Variants in UPP2 observed in about 807,000 individuals in gnomAD.
UPP2 encodes the protein UPase 2.
In UPP2, 23 loss-of-function variants were observed where a neutral mutation model predicts 26.7. The observed-to-expected ratio is 0.86, with a 90% CI of 0.62 to 1.22. UPP2 has a LOEUF of 1.22. UPP2 is among the 50% of genes most tolerant of loss of function. The pLI is 0.00. For missense variants in UPP2, 387 were observed against 396.7 expected (o/e 0.98, Z 0.21); for synonymous variants, 127 against 141.3 (o/e 0.90, Z 0.72).
In UPP2 at chr2:158,083,141, A is replaced by T. The variant is rs141245877; in HGVS notation, c.148-18899A>T. 6.2e-3 allele frequency among the ~76,000 whole-genome samples: 949 copies of T among 152,330 alleles called. 9 individuals are homozygous for T. The highest frequency in any genetic ancestry group is 0.022 in the African/African-American group (916 of 41,570). On this transcript the variant is annotated intron_variant, in intron 3 of 9. Coordinates refer to the UPP2 transcript ENST00000605860. ...AATTAGTTCAACCATTGTGGAAGAC[A>T]GTGTGGCGATTCCTCAAGGATCTAG...
upstream of UPP2, among the ~76,000 whole-genome samples, chr2:158,097,067 GT>G (rs1682996812): frequency 6.6e-6 from 1 of 151,688 alleles, no homozygotes; most frequent in Non-Finnish European, 1.5e-5. Flanking sequence ...ATATTTTATA[GT>G]TTTAAAAACA....
chr2:158,133,893 A>T (rs996283542), intron 6 of UPP2: 12 of 152,236 alleles, frequency 7.9e-5, no homozygotes, highest in Non-Finnish European at 7.3e-5. Context: ...TTAGCAATTC[A>T]AAGTGGCTAA....
chr2:158,014,507 G>A (rs16842411), intron 2 of UPP2, among the ~76,000 whole-genome samples: 3,704 of 152,208 alleles, frequency 0.024, 138 homozygotes, highest in African/African-American at 0.084. Flanking sequence ...TTATTAAAAA[G>A]TACAGTTAAT....
intron 3 of UPP2, among the ~76,000 whole-genome samples, chr2:158,074,827 G>T (rs547926537): frequency 1.3e-5 from 2 of 148,556 alleles, no homozygotes; most frequent in East Asian, 2.0e-4. Context: ...GTGACTGAGA[G>T]AATTTTTTTT....
At chr2:158,115,343 C>T (rs960795890) in intron 3 of UPP2, 84 bp downstream of exon 3, 2 of 1,446,838 alleles carry the variant, frequency 1.4e-6, no homozygotes, top group East Asian at 2.4e-5. Context: ...GTTCTTTTTC[C>T]CTCCAGCTTC....
At chr2:158,066,948 G>T (rs1226089277) in intron 3 of UPP2, among the ~76,000 whole-genome samples, 2 of 151,918 alleles carry the variant, frequency 1.3e-5, no homozygotes, top group Non-Finnish European at 2.9e-5. Flanking sequence ...GAGATGATTT[G>T]TTATTGTAGC....
At chr2:158,105,003 AGGGG>A (rs1683158544) in intron 1 of UPP2, among the ~76,000 whole-genome samples, 1 of 3,408 alleles carries the variant, frequency 2.9e-4, no homozygotes, top group South Asian at 0.017. Context: ...AAGGGAGGGG[AGGGG>A]AGGGGAGGGG....
chr2:158,032,055 C>G (rs182909150), intron 3 of UPP2, among the ~76,000 whole-genome samples: 7 of 152,072 alleles, frequency 4.6e-5, no homozygotes, highest in Admixed American at 2.0e-4. Context: ...AGAGAGCTGC[C>G]GGAATGGTAC....
chr2:158,002,317 A>T (rs1418910772), intron 2 of UPP2, among the ~76,000 whole-genome samples: 2 of 152,238 alleles, frequency 1.3e-5, no homozygotes, highest in Non-Finnish European at 2.9e-5. Flanking sequence ...CCACCATTAG[A>T]GAGAAAAAGC....
chr2:158,111,652 T>C (rs1683322521), intron 2 of UPP2, among the ~76,000 whole-genome samples: 1 of 152,180 alleles, frequency 6.6e-6, no homozygotes, highest in African/African-American at 2.4e-5. Flanking sequence ...ATTTCTTTAT[T>C]CCTCTTTCCA....
In UPP2 at chr2:158,063,433, G is replaced by A. The variant is rs147931603; in HGVS notation, c.148-38607G>A. Among the ~76,000 whole-genome samples the A allele has an allele frequency of 3.8e-3, 585 of 152,250 alleles. 2 individuals carry two copies. The highest frequency in any genetic ancestry group is 0.014 in the African/African-American group (561 of 41,544). On this transcript the variant is annotated intron_variant, in intron 3 of 9. Transcript: ENST00000605860. ...TTATACCTTGTAGTATAACTTTGAT[G>A]TCTGAAAAACCAGGAGCCGCTCACT... is the stretch of plus-strand genomic sequence containing the variant.
intron 3 of UPP2, among the ~76,000 whole-genome samples, chr2:158,058,482 G>A (rs765987810): frequency 2.0e-4 from 29 of 147,220 alleles, no homozygotes; most frequent in Non-Finnish European, 3.3e-4. Flanking sequence ...GACGTGTGAG[G>A]ACACAACGAG....
intron 3 of UPP2, among the ~76,000 whole-genome samples, chr2:158,034,622 C>G (rs12992208): frequency 0.26 from 39,919 of 151,928 alleles, 5,755 homozygotes; most frequent in East Asian, 0.51. Context: ...AGAGATTTGT[C>G]GTGTGTGTGT....
chr2:158,047,618 CAT>C (rs982987845), intron 3 of UPP2, among the ~76,000 whole-genome samples: 8 of 152,112 alleles, frequency 5.3e-5, no homozygotes, highest in Admixed American at 2.6e-4. Flanking sequence ...TCCTTAGTGT[CAT>C]ATGTCAAAAA....
Position 158,106,134 on chromosome 2 carries a change from A to T in UPP2, c.98A>T (p.Asp33Val). 1 of 1,604,648 alleles carries T rather than the reference A, an allele frequency of 6.2e-7. No individual in the cohort carries two copies. The highest frequency in any genetic ancestry group is 1.1e-5 in the South Asian group (1 of 88,716). The change falls in exon 2 of 7, where the codon GAT (aspartate) becomes GTT (valine). Residue 33 changes from aspartate to valine, a missense_variant. Coordinates refer to ENST00000005756, the MANE Select transcript of UPP2 (RefSeq NM_173355.4). ...RFVHVKNPYL[D>V]LMDEDILYHL... The stretch of plus-strand genomic sequence containing the variant: ...GTTCACGTTAAAAATCCTTACTTGG[A>T]TTTGATGGATGAAGACATTCTCTAT...
At chr2:158,069,803 T>C (rs1682509069) in intron 3 of UPP2, among the ~76,000 whole-genome samples, 1 of 152,170 alleles carries the variant, frequency 6.6e-6, no homozygotes, top group Non-Finnish European at 1.5e-5. Context: ...GGATGGCTTA[T>C]AAACAACAGA....
At chr2:158,064,336 C>G (rs1179627693) in intron 3 of UPP2, among the ~76,000 whole-genome samples, 1 of 150,386 alleles carries the variant, frequency 6.6e-6, no homozygotes, top group Non-Finnish European at 1.5e-5. Flanking sequence ...TTGCATTTCT[C>G]TAATGACCAG....
chr2:158,106,573 C>T (rs562465433), intron 2 of UPP2, among the ~76,000 whole-genome samples: 3 of 152,142 alleles, frequency 2.0e-5, no homozygotes, highest in East Asian at 1.9e-4. Flanking sequence ...CACTAGTTCT[C>T]GTTTTATTAA....
chr2:158,016,381 C>T (rs1161037121), intron 3 of UPP2, among the ~76,000 whole-genome samples: 1 of 151,768 alleles, frequency 6.6e-6, no homozygotes, highest in Non-Finnish European at 1.5e-5. Context: ...GCTCATGTTG[C>T]CCAGGCTGGA....
Sources: allele counts gnomAD v4.1 joint callset (sites outside exome capture counted in the v4.1 genomes callset), GRCh38; gene constraint gnomAD v4.1.1; transcripts MANE v1.5; gene names NCBI Gene and HGNC (gene_info 2026-07-23, HGNC 2026-07-21).